RBFOX1: variants seen among roughly 807,000 people sequenced by gnomAD.
The protein encoded by RBFOX1 is RNA binding protein fox-1 homolog 1.
In RBFOX1, 8 loss-of-function variants were observed where a neutral mutation model predicts 57.7. The ratio of observed to expected loss-of-function variants is 0.14; its 90% CI spans 0.08 to 0.25. The LOEUF is 0.25. Ranked by LOEUF, RBFOX1 falls within the 10% of genes least tolerant of loss-of-function variation. The pLI is 1.00. For missense variants in RBFOX1, 611 were observed against 548.5 expected (o/e 1.11, Z -1.14); for synonymous variants, 326 against 222.4 (o/e 1.47, Z -4.15).
At chr16:7,062,965 T>C (rs1241653628) in intron 4 of RBFOX1, among the ~76,000 whole-genome samples, 8 of 134,200 alleles carry the variant, frequency 6.0e-5, no homozygotes, top group African/African-American at 2.2e-4. Flanking sequence ...TTTTCTGTGA[T>C]CGAAGAATCC....
chr16:6,374,325 T>C (rs2090888064), intron 2 of RBFOX1, among the ~76,000 whole-genome samples: 1 of 152,222 alleles, frequency 6.6e-6, no homozygotes, highest in Non-Finnish European at 1.5e-5. Flanking sequence ...CATTTTGTGA[T>C]CAGGCAATTG....
intron 3 of RBFOX1, among the ~76,000 whole-genome samples, chr16:6,971,597 C>A (rs771078316): frequency 6.6e-6 from 1 of 152,004 alleles, no homozygotes; most frequent in African/African-American, 2.4e-5. Flanking sequence ...CCAGCTGTTA[C>A]ATGGAATATG....
chr16:5,742,212 TTTCCTTCCTCCC>T (rs1260416649), intron 3 of RBFOX1, among the ~76,000 whole-genome samples: 22 of 116,682 alleles, frequency 1.9e-4, no homozygotes, highest in South Asian at 6.8e-4. Context: ...TCCTTCCTCC[TTTCCTTCCTCCC>T]TTCCTTCCTT....
chr16:5,349,244 C>G (rs751323653), intron 1 of RBFOX1, among the ~76,000 whole-genome samples: 1 of 152,216 alleles, frequency 6.6e-6, no homozygotes, highest in Admixed American at 6.5e-5. Flanking sequence ...AATAGCCAGA[C>G]TCATAGAAAC....
chr16:7,242,825 C>G (rs549882346), intron 4 of RBFOX1, among the ~76,000 whole-genome samples: 4 of 152,324 alleles, frequency 2.6e-5, no homozygotes, highest in South Asian at 2.1e-4. Flanking sequence ...TCAGACCCGA[C>G]TGACTTTGCC....
At chr16:6,615,614 A>G (rs1226251618) in intron 2 of RBFOX1, among the ~76,000 whole-genome samples, 1 of 152,180 alleles carries the variant, frequency 6.6e-6, no homozygotes, top group Admixed American at 6.5e-5. Context: ...GGCCACAGGA[A>G]AATTCCTCAT....
intron 3 of RBFOX1, among the ~76,000 whole-genome samples, chr16:6,838,383 A>G (rs951257971): frequency 2.6e-5 from 4 of 152,144 alleles, no homozygotes; most frequent in Non-Finnish European, 4.4e-5. Flanking sequence ...GCTGCATAAT[A>G]TTCCCTGGTG....
chr16:6,979,681 A>C (rs1052518099), intron 3 of RBFOX1, among the ~76,000 whole-genome samples: 13 of 152,220 alleles, frequency 8.5e-5, no homozygotes, highest in Non-Finnish European at 1.6e-4. Flanking sequence ...AATTCAAATA[A>C]ATAAACATGT....
At chr16:7,131,410 C>G (rs565710776) in intron 4 of RBFOX1, among the ~76,000 whole-genome samples, 5 of 130,820 alleles carry the variant, frequency 3.8e-5, no homozygotes, top group African/African-American at 1.2e-4. Context: ...TCAGTGCCTA[C>G]TTATGTTTTA....
chr16:7,679,401 G>A (rs1201433913), intron 14 of RBFOX1, among the ~76,000 whole-genome samples: 1 of 152,122 alleles, frequency 6.6e-6, no homozygotes, highest in Non-Finnish European at 1.5e-5. Context: ...TAGAAGACAG[G>A]CAAGATAAAG....
At chr16:7,655,705 T>C (rs903076706) in intron 12 of RBFOX1, among the ~76,000 whole-genome samples, 2 of 152,026 alleles carry the variant, frequency 1.3e-5, no homozygotes, top group Admixed American at 1.3e-4. Context: ...ATTGCACTTA[T>C]ACCACATTCG....
chr16:7,274,405 A>G (rs564780779), intron 4 of RBFOX1, among the ~76,000 whole-genome samples: 3 of 152,170 alleles, frequency 2.0e-5, no homozygotes, highest in Non-Finnish European at 4.4e-5. Flanking sequence ...ACTGTAAAGC[A>G]CACCCCTCTC....
intron 3 of RBFOX1, among the ~76,000 whole-genome samples, chr16:6,839,620 T>A (rs1005953782): frequency 6.6e-5 from 10 of 152,180 alleles, no homozygotes; most frequent in African/African-American, 2.4e-4. Flanking sequence ...CCTTGGTAGG[T>A]ATTTCAATTA....
intron 4 of RBFOX1, among the ~76,000 whole-genome samples, chr16:7,232,013 A>G (rs1186817331): frequency 5.9e-5 from 9 of 152,128 alleles, no homozygotes; most frequent in Non-Finnish European, 1.2e-4. Flanking sequence ...TGAATGAACA[A>G]AATGCCACTG....
chr16:7,076,676 C>T (rs1598824259), intron 4 of RBFOX1, among the ~76,000 whole-genome samples: 1 of 152,132 alleles, frequency 6.6e-6, no homozygotes, highest in African/African-American at 2.4e-5. Flanking sequence ...AGGTTAACAA[C>T]ACAAAGTGTA....
At chr16:7,414,693 C>G (rs1318616911) in intron 4 of RBFOX1, among the ~76,000 whole-genome samples, 1 of 152,200 alleles carries the variant, frequency 6.6e-6, no homozygotes, top group Non-Finnish European at 1.5e-5. Flanking sequence ...TCTCAGTTCA[C>G]TGCAACCTCC....
intron 1 of RBFOX1, among the ~76,000 whole-genome samples, chr16:6,122,150 C>T (rs957520528): frequency 6.6e-6 from 1 of 152,156 alleles, no homozygotes; most frequent in Non-Finnish European, 1.5e-5. Context: ...AGATGATCCG[C>T]CCACCTTGGT....
intron 3 of RBFOX1, among the ~76,000 whole-genome samples, chr16:6,663,067 C>T (rs762691495): frequency 2.0e-5 from 3 of 152,092 alleles, no homozygotes; most frequent in Non-Finnish European, 4.4e-5. Flanking sequence ...TCCTTGTGTG[C>T]AGGAGGGAAC....
At chr16:5,688,433 G>T (rs2050569296) in intron 3 of RBFOX1, among the ~76,000 whole-genome samples, 1 of 152,206 alleles carries the variant, frequency 6.6e-6, no homozygotes, top group African/African-American at 2.4e-5. Context: ...TTACCCTCAT[G>T]TTGCCTGCAA....
Sources: gnomAD v4.1 joint callset for allele counts (sites outside exome capture counted in the v4.1 genomes callset) on GRCh38, gnomAD v4.1.1 for gene constraint, MANE v1.5 for transcripts, NCBI Gene and HGNC (gene_info 2026-07-23, HGNC 2026-07-21) for gene names.